The following CHN2 variants were observed in gnomAD, a reference collection of about 807,000 sequenced individuals.
The protein encoded by CHN2 is chimerin 2, also known as beta-chimaerin.
In CHN2, 35 loss-of-function variants were observed where a neutral mutation model predicts 56.3. The ratio of observed to expected loss-of-function variants is 0.62; its 90% CI spans 0.47 to 0.82. The LOEUF is 0.82. Among genes scored for constraint, CHN2 ranks in the 40% least tolerant of loss-of-function variants. The pLI, the probability that CHN2 is intolerant of heterozygous loss-of-function variation, is 0.00. For missense variants in CHN2, 491 were observed against 580.5 expected, an observed-to-expected ratio of 0.85 and a Z score of 1.58; for synonymous variants, 210 against 212.8, an observed-to-expected ratio of 0.99 and a Z score of 0.12.
At chr7:29,240,848 C>CTTCTTCT (rs910219628) in intron 1 of CHN2, among the ~76,000 whole-genome samples, 14 of 151,768 alleles carry the variant, frequency 9.2e-5, no homozygotes, top group East Asian at 1.9e-4. Context: ...TCGTCTTCAT[C>CTTCTTCT]TTCTTCTTTC....
At chr7:29,251,090 CTAAAGT>C (rs1344536154) in intron 1 of CHN2, among the ~76,000 whole-genome samples, 1 of 152,166 alleles carries the variant, frequency 6.6e-6, no homozygotes, top group African/African-American at 2.4e-5. Flanking sequence ...AATAGAAATA[CTAAAGT>C]TAATCAGTAA....
intron 2 of CHN2, among the ~76,000 whole-genome samples, chr7:29,363,719 G>A (rs1798916560): frequency 6.6e-6 from 1 of 152,200 alleles, no homozygotes; most frequent in African/African-American, 2.4e-5. Flanking sequence ...GAGGGATAGG[G>A]TGGAATTTTA....
chr7:29,357,801 GAT>G (rs1416760937), intron 2 of CHN2, among the ~76,000 whole-genome samples: 2 of 152,152 alleles, frequency 1.3e-5, no homozygotes, highest in African/African-American at 2.4e-5. Flanking sequence ...ACCATTTCTT[GAT>G]ATGAAAGTCC....
intron 6 of CHN2, among the ~76,000 whole-genome samples, chr7:29,416,340 A>T (rs1255330173): frequency 1.3e-5 from 2 of 152,228 alleles, no homozygotes; most frequent in African/African-American, 4.8e-5. Flanking sequence ...AGCTATGAAA[A>T]AGTTATCTAC....
At chr7:29,350,804 T>C (rs1032799539) in intron 1 of CHN2, among the ~76,000 whole-genome samples, 23 of 152,166 alleles carry the variant, frequency 1.5e-4, no homozygotes, top group Admixed American at 1.3e-3. Flanking sequence ...TCATATGCAT[T>C]GTCTCATTTA....
chr7:29,336,180 A>T (rs1249436585), intron 1 of CHN2: 1 of 152,166 alleles, frequency 6.6e-6, no homozygotes, highest in Non-Finnish European at 1.5e-5. Context: ...CCTCTGACAG[A>T]TTGCAAGCCT....
Position 29,234,877 on chromosome 7 carries a change from T to C in CHN2, c.49+39887T>C, listed in dbSNP as rs150510414. On this transcript the variant is annotated intron_variant, in intron 1 of 12. Coordinates refer to ENST00000222792, the MANE Select transcript of CHN2 (RefSeq NM_004067.4). ...CCTTTTCCCAAGGTCTCATTTGTTT[T>C]AGAGCTGTCACGAAAACAGGTTTTT... Among the ~76,000 whole-genome samples, 9 of 152,374 alleles carry C rather than the reference T, an allele frequency of 5.9e-5. No individual in the cohort carries two copies. In the East Asian group the frequency reaches 1.7e-3, roughly 29 times the overall value.
chr7:29,169,990 C>T (rs1238037486), intron 2 of CHN2, among the ~76,000 whole-genome samples: 1 of 151,886 alleles, frequency 6.6e-6, no homozygotes, highest in Non-Finnish European at 1.5e-5. Context: ...GATCCTCCTG[C>T]CTCTGCCTCC....
At chr7:29,228,085 A>T (rs751140573) in intron 1 of CHN2, among the ~76,000 whole-genome samples, 16 of 152,064 alleles carry the variant, frequency 1.1e-4, no homozygotes, top group South Asian at 2.1e-4. Flanking sequence ...CCAGATATCT[A>T]CAAGTCATTG....
At chr7:29,425,430 G>T (rs746251938) in intron 6 of CHN2, among the ~76,000 whole-genome samples, 10 of 151,992 alleles carry the variant, frequency 6.6e-5, no homozygotes, top group African/African-American at 1.5e-4. Flanking sequence ...GTAGATACAA[G>T]AAACTCAGGT....
At chr7:29,147,078 C>A in intron 2 of CHN2, 1 of 1,394,652 alleles carries the variant, frequency 7.2e-7, no homozygotes. Context: ...TTGGGGGACA[C>A]AAACTAAGTG....
intron 2 of CHN2, among the ~76,000 whole-genome samples, chr7:29,171,967 C>T (rs1473459680): frequency 2.6e-5 from 4 of 152,142 alleles, no homozygotes; most frequent in Non-Finnish European, 5.9e-5. Flanking sequence ...TAATTGTCCT[C>T]CTCAACAGAG....
At chr7:29,479,812 T>C in intron 6 of CHN2, 1 of 1,248,808 alleles carries the variant, frequency 8.0e-7, no homozygotes, top group Non-Finnish European at 1.0e-6. Flanking sequence ...CCTCCCTGAA[T>C]CCTCAGTGGC....
rs1447598773 is a variant in CHN2, at chr7:29,153,829, C to CT, written c.274+6870dup. Reference sequence around the variant, plus strand: ...AAGTGATCTACCTGCCTCGGCCTCTCTAAGTGCTGGGATTACAGGCATGAG... The same window carrying CT: ...AAGTGATCTACCTGCCTCGGCCTCTCTTAAGTGCTGGGATTACAGGCATGAG... On this transcript the variant is annotated intron_variant, in intron 2 of 6. Transcript: ENST00000439384. Among the ~76,000 whole-genome samples, 3 of 152,234 alleles carry CT rather than the reference C, an allele frequency of 2.0e-5. No homozygotes were observed. The South Asian group carries it at 6.2e-4, about 31-fold the overall frequency.
chr7:29,463,017 A>G (rs191817469), intron 6 of CHN2, among the ~76,000 whole-genome samples: 1 of 150,242 alleles, frequency 6.7e-6, no homozygotes, highest in African/African-American at 2.5e-5. Context: ...AATGTAAAAG[A>G]GTTTTACAGC....
chr7:29,370,869 C>T (rs10251895), intron 3 of CHN2, among the ~76,000 whole-genome samples: 4,490 of 152,164 alleles, frequency 0.03, 231 homozygotes, highest in African/African-American at 0.1. Flanking sequence ...GCAGGCAAAA[C>T]CCACATACTT....
chr7:29,288,842 A>G (rs1223416923), intron 1 of CHN2: 1 of 152,368 alleles, frequency 6.6e-6, no homozygotes, highest in Non-Finnish European at 1.5e-5. Context: ...TGTAGTGGGC[A>G]CTCAGGGGAT....
At chr7:29,179,353 CCA>C (rs2087856951) in intron 2 of CHN2, among the ~76,000 whole-genome samples, 1 of 152,212 alleles carries the variant, frequency 6.6e-6, no homozygotes, top group South Asian at 2.1e-4. Flanking sequence ...GCCTTCCTTC[CCA>C]CACAGTGTCA....
chr7:29,326,993 A>G (rs1795851913), intron 1 of CHN2, among the ~76,000 whole-genome samples: 1 of 152,218 alleles, frequency 6.6e-6, no homozygotes, highest in South Asian at 2.1e-4. Flanking sequence ...CTTAAACTTC[A>G]GATGAATGGA....
Sources: allele counts gnomAD v4.1 joint callset (sites outside exome capture counted in the v4.1 genomes callset), GRCh38; gene constraint gnomAD v4.1.1; transcripts MANE v1.5; gene names NCBI Gene and HGNC (gene_info 2026-07-23, HGNC 2026-07-21).